ADRA1B: variants seen among roughly 807,000 people sequenced by gnomAD.
ADRA1B encodes the protein adrenoceptor alpha 1B.
In ADRA1B, 17 loss-of-function variants were observed where a neutral mutation model predicts 17.9. The ratio of observed to expected loss-of-function variants is 0.95; its 90% CI spans 0.65 to 1.42. The LOEUF is 1.42. Among genes scored for constraint, ADRA1B ranks in the 40% most tolerant of loss-of-function variants. The pLI is 0.00. For missense variants in ADRA1B, 681 were observed against 722.1 expected (o/e 0.94, Z 0.65); for synonymous variants, 366 against 327.6 (o/e 1.12, Z -1.27).
At position 159,929,195 on chromosome 5, in the gene ADRA1B, T is replaced by C. The variant is rs186659603; in HGVS notation, c.949+11341T>C. ...TAATGTTGAAAAAACAAATTTATTA[T>C]AGAGTAAAAAAAGTCCTTTAACATA... On this transcript the variant is annotated intron_variant, in intron 1 of 1. Coordinates refer to ENST00000306675, the MANE Select transcript of ADRA1B (RefSeq NM_000679.4). 9.3e-4 allele frequency: 141 copies of C among 152,272 alleles called. 1 individual carries two copies. Among genetic ancestry groups the C allele is most frequent in the African/African-American group, 3.3e-3 (137 of 41,570 alleles). 9.4% of individuals were successfully genotyped at this position (152,272 alleles called of 1,614,324 possible).
At chr5:159,913,597 T>A (rs1057220164), upstream of ADRA1B, among the ~76,000 whole-genome samples, 3 of 152,242 alleles carry the variant, frequency 2.0e-5, no homozygotes, top group African/African-American at 7.2e-5. Flanking sequence ...TAAGTTCTCA[T>A]CTAGGTAACA....
chr5:159,886,015 G>A (rs2113095863), intron 1 of ADRA1B, among the ~76,000 whole-genome samples: 1 of 152,328 alleles, frequency 6.6e-6, no homozygotes, highest in Non-Finnish European at 1.5e-5. Flanking sequence ...TCCAGGGTCT[G>A]CGCATTTAAT....
intron 1 of ADRA1B, chr5:159,955,225 G>C: frequency 1.0e-6 from 1 of 984,310 alleles, no homozygotes; most frequent in Non-Finnish European, 1.2e-6. Context: ...GGCTGCGGGT[G>C]TCAAGGAAGG....
intron 1 of ADRA1B, among the ~76,000 whole-genome samples, chr5:159,909,747 A>G (rs1306274594): frequency 1.3e-5 from 2 of 152,242 alleles, no homozygotes; most frequent in Non-Finnish European, 2.9e-5. Context: ...AATTAGTTCT[A>G]TTGCCCAAAA....
chr5:159,883,375 G>A (rs1238677964), intron 1 of ADRA1B, among the ~76,000 whole-genome samples: 1 of 152,156 alleles, frequency 6.6e-6, no homozygotes, highest in Non-Finnish European at 1.5e-5. Context: ...TGAAACAGAG[G>A]GCAAGATGCA....
At chr5:159,951,115 G>A in intron 1 of ADRA1B, 3 of 743,398 alleles carry the variant, frequency 4.0e-6, no homozygotes, top group Non-Finnish European at 7.4e-6. Flanking sequence ...TCACGAACAT[G>A]GGGGCATCAG....
At position 159,880,903 on chromosome 5, in the gene ADRA1B, G is replaced by A. The variant is rs182840756; in HGVS notation, c.-256+15697G>A. Among the ~76,000 whole-genome samples, 126 of 152,288 alleles carry A rather than the reference G, an allele frequency of 8.3e-4. 2 individuals carry two copies. The highest frequency in any genetic ancestry group is 1.9e-4 in the Non-Finnish European group (13 of 68,020). On this transcript the variant is annotated intron_variant, in intron 1 of 2. Coordinates refer to the ADRA1B transcript ENST00000641205. Reference sequence around the variant, plus strand: ...CACAGTGTTGCCACTTCTAGGTTAGGTAAATATCAGTTGAGTGAATGAAGA... The same window carrying A: ...CACAGTGTTGCCACTTCTAGGTTAGATAAATATCAGTTGAGTGAATGAAGA...
At chr5:159,896,500 T>G (rs993916522) in intron 1 of ADRA1B, among the ~76,000 whole-genome samples, 2 of 152,236 alleles carry the variant, frequency 1.3e-5, no homozygotes, top group African/African-American at 4.8e-5. Context: ...AATTCTCATG[T>G]TCCTTCTGAG....
chr5:159,987,716 C>A, the ADRA1B span, among the ~76,000 whole-genome samples: 1 of 152,226 alleles, frequency 6.6e-6, no homozygotes, highest in Admixed American at 6.5e-5. Flanking sequence ...GCGCTGGCTT[C>A]AGGGAATCTG....
In ADRA1B at chr5:159,917,833, T is replaced by G; in HGVS notation, c.928T>G (p.Phe310Val). The change falls in exon 1 of 2, where the codon TTC becomes GTC. Residue 310 changes from phenylalanine to valine, a missense_variant. Physicochemically the swap from Phe to Val is conservative, Grantham distance 50. Around this residue, in one of 3 missense-constraint regions of ADRA1B, gnomAD observed 424 missense variants for 480.2 expected, o/e 0.88. Coordinates refer to ENST00000306675, the MANE Select transcript of ADRA1B (RefSeq NM_000679.4). ...VGMFILCWLP[F>V]FIALPLGSLF... ...TATGTTCATCTTGTGCTGGCTACCC[T>G]TCTTCATCGCTCTACCGCTTGGTAA... The G allele has an allele frequency of 6.2e-7, 1 of 1,609,360 alleles. No homozygotes were observed. The highest frequency in any genetic ancestry group is 8.5e-7 in the Non-Finnish European group (1 of 1,178,290).
intron 1 of ADRA1B, among the ~76,000 whole-genome samples, chr5:159,902,050 A>G (rs1288956015): frequency 6.6e-6 from 1 of 152,242 alleles, no homozygotes; most frequent in Non-Finnish European, 1.5e-5. Flanking sequence ...TTATGCACCC[A>G]TGTTTGCTGC....
In ADRA1B at chr5:159,972,221, T is replaced by C; in HGVS notation, c.1292T>C (p.Leu431Pro). 3 of 1,264,476 alleles carry C rather than the reference T, an allele frequency of 2.4e-6. No individual in the cohort carries two copies. Among genetic ancestry groups the C allele is most frequent in the Non-Finnish European group, 3.0e-6 (3 of 996,724 alleles). The allele number at this position is 1,264,476 out of a possible 1,614,324, so 78.3% of individuals were successfully genotyped here. The change falls in exon 2 of 2, where the codon CTG (leucine) becomes CCG (proline). Residue 431 changes from leucine (L) to proline (P), a missense_variant. By Grantham distance (98) the Leu-to-Pro change is moderately conservative. Around this residue, in one of 3 missense-constraint regions of ADRA1B, gnomAD observed 251 missense variants for 224.9 expected, o/e 1.12. Coordinates refer to ENST00000306675, the MANE Select transcript of ADRA1B (RefSeq NM_000679.4). ...TCGGCCTCGCCGAGCCCGGGCTACC[T>C]GGGCCGCGGCGCGCCACCGCCAGTC... ...LPSASPSPGY[L>P]GRGAPPPVEL...
intron 1 of ADRA1B, among the ~76,000 whole-genome samples, chr5:159,895,302 T>G (rs1297504244): frequency 1.3e-5 from 2 of 152,202 alleles, no homozygotes; most frequent in African/African-American, 4.8e-5. Context: ...ATCTTCACCT[T>G]CCAAGGATCT....
chr5:159,903,976 G>A (rs1017496596), intron 1 of ADRA1B, among the ~76,000 whole-genome samples: 4 of 152,126 alleles, frequency 2.6e-5, no homozygotes, highest in Non-Finnish European at 2.9e-5. Context: ...GTGTGTGCAC[G>A]TGCATGTATG....
At chr5:159,970,802 G>A (rs180855904) in intron 1 of ADRA1B, among the ~76,000 whole-genome samples, 205 of 152,268 alleles carry the variant, frequency 1.3e-3, no homozygotes, top group African/African-American at 4.5e-3. Flanking sequence ...TGTGGTTTTC[G>A]TTTTCGTTGT....
intron 1 of ADRA1B, chr5:159,888,302 T>C (rs1002014972): frequency 1.3e-5 from 2 of 151,708 alleles, no homozygotes; most frequent in Non-Finnish European, 2.9e-5. Flanking sequence ...GAGGACAGAG[T>C]GTGGGGGTTG....
At chr5:159,964,835 C>A (rs72643435) in intron 1 of ADRA1B, among the ~76,000 whole-genome samples, 2 of 152,106 alleles carry the variant, frequency 1.3e-5, no homozygotes, top group African/African-American at 4.8e-5. Context: ...GTGGTAACAG[C>A]GGTGCTGGCA....
chr5:159,961,938 T>C (rs965458267), intron 1 of ADRA1B, among the ~76,000 whole-genome samples: 3 of 152,138 alleles, frequency 2.0e-5, no homozygotes, highest in Non-Finnish European at 4.4e-5. Flanking sequence ...TGAAGGCCAA[T>C]GGATTTAAGA....
intron 1 of ADRA1B, among the ~76,000 whole-genome samples, chr5:159,910,709 G>C (rs530573452): frequency 6.6e-6 from 1 of 152,112 alleles, no homozygotes; most frequent in Non-Finnish European, 1.5e-5. Flanking sequence ...ATAGGCACTA[G>C]GCTGGATTTG....
Sources: gnomAD v4.1 joint callset for allele counts (sites outside exome capture counted in the v4.1 genomes callset) on GRCh38, gnomAD v4.1.1 for gene constraint, gnomAD v4.1.1 regional missense constraint, MANE v1.5 for transcripts, NCBI Gene and HGNC (gene_info 2026-07-23, HGNC 2026-07-21) for gene names.